The following ENOX1 variants were observed in gnomAD, a reference collection of about 807,000 sequenced individuals.
ENOX1 encodes ecto-NOX disulfide-thiol exchanger 1.
In ENOX1, 42 loss-of-function variants were observed where a neutral mutation model predicts 82.5. That is an observed-to-expected ratio of 0.51 (90% CI 0.40 to 0.66). The LOEUF (loss-of-function observed/expected upper bound fraction) is 0.66, where lower values mean the gene tolerates loss of function less well. Among genes scored for constraint, ENOX1 ranks in the 30% least tolerant of loss-of-function variants. The probability of loss-of-function intolerance (pLI) is 0.00; values close to 1 mark genes in which losing one functional copy is unlikely to be tolerated. For missense variants in ENOX1, 608 were observed against 811.6 expected, an observed-to-expected ratio of 0.75 and a Z score of 3.05; for synonymous variants, 271 against 282.2, an observed-to-expected ratio of 0.96 and a Z score of 0.40.
chr13:43,546,641 G>C (rs2078986230), intron 2 of ENOX1: 1 of 152,160 alleles, frequency 6.6e-6, no homozygotes, highest in Non-Finnish European at 1.5e-5. Context: ...GCAGAGATAT[G>C]CTCCTCACAC....
At chr13:43,730,738 C>T (rs906331056) in intron 1 of ENOX1, among the ~76,000 whole-genome samples, 11 of 152,158 alleles carry the variant, frequency 7.2e-5, no homozygotes, top group East Asian at 5.8e-4. Context: ...ACTGTCATGA[C>T]GCACACTCTG....
At chr13:43,528,024 T>C (rs1187862912) in intron 2 of ENOX1, among the ~76,000 whole-genome samples, 3 of 152,118 alleles carry the variant, frequency 2.0e-5, no homozygotes, top group Non-Finnish European at 2.9e-5. Context: ...GGGTTAAAAT[T>C]TTCTAAGCTT....
intron 3 of ENOX1, among the ~76,000 whole-genome samples, chr13:43,462,977 A>G (rs1376631440): frequency 6.6e-6 from 1 of 152,218 alleles, no homozygotes. Context: ...GGTGCCTCTC[A>G]TTCTCTGTTT....
intron 1 of ENOX1, among the ~76,000 whole-genome samples, chr13:43,721,562 T>C (rs1380176699): frequency 1.3e-5 from 2 of 151,614 alleles, no homozygotes; most frequent in African/African-American, 2.4e-5. Context: ...GTGTTTTTAG[T>C]AGAGACGGGG....
At chr13:43,317,228 T>C (rs2047553876) in intron 11 of ENOX1, among the ~76,000 whole-genome samples, 1 of 152,236 alleles carries the variant, frequency 6.6e-6, no homozygotes, top group Non-Finnish European at 1.5e-5. Context: ...GTGAGCCTGC[T>C]TTCAGTTACA....
At chr13:43,736,981 T>C (rs1299533177) in intron 1 of ENOX1, among the ~76,000 whole-genome samples, 1 of 152,190 alleles carries the variant, frequency 6.6e-6, no homozygotes, top group African/African-American at 2.4e-5. Flanking sequence ...CGGAAGATAC[T>C]GTCTTAACAC....
chr13:43,783,330 T>G (rs755131859), intron 1 of ENOX1, among the ~76,000 whole-genome samples: 1 of 152,220 alleles, frequency 6.6e-6, no homozygotes, highest in African/African-American at 2.4e-5. Context: ...TGCTAATGTA[T>G]TTTCTAAGTA....
intron 2 of ENOX1, among the ~76,000 whole-genome samples, chr13:43,564,716 C>A (rs549712056): frequency 6.6e-6 from 1 of 152,118 alleles, no homozygotes; most frequent in Non-Finnish European, 1.5e-5. Context: ...TAAACTGAAT[C>A]AGCTATTATC....
chr13:43,714,297 G>A (rs1228864222), intron 1 of ENOX1, among the ~76,000 whole-genome samples: 1 of 152,042 alleles, frequency 6.6e-6, no homozygotes, highest in African/African-American at 2.4e-5. Context: ...TATAATTTCT[G>A]TTCTTTTACA....
At chr13:43,271,898 GT>G (rs576540119) in intron 12 of ENOX1, among the ~76,000 whole-genome samples, 24 of 151,710 alleles carry the variant, frequency 1.6e-4, no homozygotes, top group Non-Finnish European at 2.5e-4. Flanking sequence ...TGTTTTGTGT[GT>G]TTTTTTATGT....
At chr13:43,450,726 G>T in intron 3 of ENOX1, among the ~76,000 whole-genome samples, 1 of 152,092 alleles carries the variant, frequency 6.6e-6, no homozygotes, top group African/African-American at 2.4e-5. Flanking sequence ...CCTGATAAAA[G>T]GAAGCAGGTA....
chr13:43,715,885 C>T (rs990388916), intron 1 of ENOX1, among the ~76,000 whole-genome samples: 5 of 151,914 alleles, frequency 3.3e-5, no homozygotes, highest in Admixed American at 1.3e-4. Flanking sequence ...ACGTAGTTCT[C>T]GAGCCTTGGC....
At chr13:43,756,963 A>AACAAT (rs1950679262) in intron 1 of ENOX1, among the ~76,000 whole-genome samples, 1 of 64,684 alleles carries the variant, frequency 1.5e-5, no homozygotes, top group African/African-American at 4.5e-5. Flanking sequence ...ACAACAACAA[A>AACAAT]AACAACAACA....
chr13:43,335,232 T>C (rs1456648195), intron 9 of ENOX1, among the ~76,000 whole-genome samples: 1 of 152,374 alleles, frequency 6.6e-6, no homozygotes, highest in Non-Finnish European at 1.5e-5. Context: ...CCTCTCACTT[T>C]GTCTGTGGCT....
chr13:43,218,736 T>C (rs764571996), intron 16 of ENOX1, among the ~76,000 whole-genome samples: 11 of 152,222 alleles, frequency 7.2e-5, no homozygotes, highest in Non-Finnish European at 1.0e-4. Flanking sequence ...TCAGGTAAGT[T>C]AGTTTTATGA....
intron 5 of ENOX1, among the ~76,000 whole-genome samples, chr13:43,386,625 T>C (rs1296549311): frequency 6.6e-6 from 1 of 152,222 alleles, no homozygotes; most frequent in African/African-American, 2.4e-5. Flanking sequence ...GACTTGGATG[T>C]AAAATGGTAA....
chr13:43,661,729 C>T (rs1457876338), intron 2 of ENOX1, among the ~76,000 whole-genome samples: 2 of 152,096 alleles, frequency 1.3e-5, no homozygotes, highest in African/African-American at 2.4e-5. Context: ...TCTACATTTA[C>T]AGTACTATAG....
At chr13:43,600,099 C>A (rs2081638128) in intron 2 of ENOX1, among the ~76,000 whole-genome samples, 1 of 151,994 alleles carries the variant, frequency 6.6e-6, no homozygotes, top group African/African-American at 2.4e-5. Context: ...ATATTGCCAG[C>A]TGAAGTGGCT....
At chr13:43,705,868 CA>C (rs2153810891) in intron 1 of ENOX1, among the ~76,000 whole-genome samples, 1 of 152,186 alleles carries the variant, frequency 6.6e-6, no homozygotes, top group Non-Finnish European at 1.5e-5. Context: ...ATATAGTACA[CA>C]TTCTTGTCCA....
Sources: allele counts gnomAD v4.1 joint callset (sites outside exome capture counted in the v4.1 genomes callset), GRCh38; gene constraint gnomAD v4.1.1; transcripts MANE v1.5; gene names NCBI Gene and HGNC (gene_info 2026-07-23, HGNC 2026-07-21).